Variants in HOXB8 observed in about 807,000 individuals in gnomAD.
HOXB8 encodes homeobox B8, also known as homeobox protein Hox-B8.
A neutral mutation model predicts 22.2 loss-of-function variants in HOXB8; 17 were observed. The ratio of observed to expected loss-of-function variants is 0.77; its 90% CI spans 0.53 to 1.15. The LOEUF (loss-of-function observed/expected upper bound fraction) is 1.15, where lower values mean the gene tolerates loss of function less well. Among genes scored for constraint, HOXB8 ranks in the 50% most tolerant of loss-of-function variants. The probability of loss-of-function intolerance (pLI) is 0.00; values close to 1 mark genes in which losing one functional copy is unlikely to be tolerated. For missense variants in HOXB8, 287 were observed against 323.8 expected (o/e 0.89, Z 0.87); for synonymous variants, 156 against 144.6 (o/e 1.08, Z -0.57).
rs1367957282 is a variant in HOXB8 at position 48,615,013 on chromosome 17, C to T, written c.-309G>A. ...TCGCCCTCCCCCCACCCCCCACCCC[C>T]CAAACAAAAATATACCACCACTTAA... On this transcript the variant is annotated 5_prime_UTR_variant, in exon 1 of 2. Coordinates refer to ENST00000239144, the MANE Select transcript of HOXB8 (RefSeq NM_024016.4). The T allele has an allele frequency of 4.1e-6, 1 of 243,880 alleles. No individual in the cohort carries two copies. Among genetic ancestry groups the T allele is most frequent in the Non-Finnish European group, 7.3e-6 (1 of 137,802 alleles). The allele number at this position is 243,880 out of a possible 1,614,324, so 15.1% of individuals were successfully genotyped here. A position where few individuals can be genotyped will look rare whatever the true frequency, so the allele number is the denominator to read the frequency against.
rs1289134128 is a variant in HOXB8 at position 48,614,611 on chromosome 17, G to A, written c.94C>T (p.Leu32=). The A allele has an allele frequency of 6.2e-7, 1 of 1,609,714 alleles. No individual in the cohort carries two copies. The highest frequency in any genetic ancestry group is 1.3e-5 in the African/African-American group (1 of 74,782). The stretch of plus-strand genomic sequence containing the variant: ...TACACCACGGTGGGTCGGCCGCCCA[G>A]GTCCTGGGCGAAGCCGCAGTCATAA... The part of the protein sequence containing the change: ...NYYDCGFAQD[L]GGRPTVVYGP... Residue 32 remains leucine, a synonymous_variant, in exon 1 of 2, where the codon CTG becomes TTG. Coordinates refer to ENST00000239144, the MANE Select transcript of HOXB8 (RefSeq NM_024016.4). This position sits in a 1 kb window ranked among gnomAD's most constrained non-coding sequence, Gnocchi z 4.1.
Position 48,614,147 on chromosome 17 carries a change from A to G in HOXB8, c.424+134T>C. The G allele has an allele frequency of 1.6e-6, 1 of 632,990 alleles. No homozygotes were observed. The allele number at this position is 632,990 out of a possible 1,614,324, so 39.2% of individuals were successfully genotyped here. Reference sequence around the variant, plus strand: ...GAAAGAAGAAAGAAAGATAAGAAAGAAAGGGGAAAAGCGGCAGGCGATCGG... The same window carrying G: ...GAAAGAAGAAAGAAAGATAAGAAAGGAAGGGGAAAAGCGGCAGGCGATCGG... On this transcript the variant is annotated intron_variant, in intron 1 of 1. Transcript: ENST00000239144. The surrounding 1 kb of genome is among the most constrained non-coding windows in gnomAD (Gnocchi z 4.1).
intron 1 of HOXB8, 100 bp from the exon 2 acceptor site, chr17:48,613,609 A>G: frequency 1.2e-6 from 1 of 845,898 alleles, no homozygotes; most frequent in Non-Finnish European, 1.7e-6. Context: ...CTGGGAGACC[A>G]TTATAATAAG....
chr17:48,614,338 C>G lies in HOXB8; in HGVS notation c.367G>C (p.Glu123Gln), dbSNP rs1337490990. 1.9e-6 allele frequency: 3 copies of G among 1,594,208 alleles called. No individual in the cohort carries two copies. The Admixed American group carries it at 5.2e-5, about 27-fold the overall frequency. ...AAASGLGEEA[E>Q]GSEQSPSPTQ... ...GGCGACGGGCTCTGCTCGGAGCCCT[C>G]GGCCTCCTCGCCCAGGCCGCTGGCG... The change falls in exon 1 of 2, where the codon GAG becomes CAG. Residue 123 changes from glutamate (E) to glutamine (Q), a missense_variant. Coordinates refer to ENST00000239144, the MANE Select transcript of HOXB8 (RefSeq NM_024016.4). This position sits in a 1 kb window ranked among gnomAD's most constrained non-coding sequence, Gnocchi z 4.1.
Position 48,614,690 on chromosome 17 carries a change from G to T in HOXB8, c.15C>A (p.Phe5Leu). 1 of 1,415,544 alleles carries T rather than the reference G, an allele frequency of 7.1e-7. No individual in the cohort carries two copies. The highest frequency in any genetic ancestry group is 9.4e-7 in the Non-Finnish European group (1 of 1,060,678). The allele number at this position is 1,415,544 out of a possible 1,614,324, so 87.7% of individuals were successfully genotyped here. Reference protein sequence around the residue: MSSYFVNSLFSKYKT... With the variant: MSSYLVNSLFSKYKT... ...TGTATTTGGAGAACAGTGAGTTGAC[G>T]AAATAAGAGCTCATTTTATTGAATT... The change falls in exon 1 of 2, where the codon TTC becomes TTA. Residue 5 changes from phenylalanine to leucine, a missense_variant. Physicochemically the swap from Phe to Leu is conservative, Grantham distance 22 (BLOSUM62 0). Transcript: ENST00000239144. The surrounding 1 kb of genome is among the most constrained non-coding windows in gnomAD (Gnocchi z 4.1).
chr17:48,612,836 G>A lies in HOXB8; in HGVS notation c.*366C>T, dbSNP rs898246120. On this transcript the variant is annotated 3_prime_UTR_variant, in exon 2 of 2. Coordinates refer to ENST00000239144, the MANE Select transcript of HOXB8 (RefSeq NM_024016.4). ...TACCTTGGTCATTACAAAGAAGCAC[G>A]TTCAAAGGAAAAAAAAGACAATTGC... is the stretch of plus-strand genomic sequence containing the variant. The A allele has an allele frequency of 1.3e-5, 2 of 153,036 alleles. No homozygotes were observed. The highest frequency in any genetic ancestry group is 2.4e-5 in the African/African-American group (1 of 40,960). The allele number at this position is 153,036 out of a possible 1,614,324, so 9.5% of individuals were successfully genotyped here.
At chr17:48,613,742 C>T (rs1405051378) in intron 1 of HOXB8, among the ~76,000 whole-genome samples, 1 of 151,982 alleles carries the variant, frequency 6.6e-6, no homozygotes, top group Non-Finnish European at 1.5e-5. Context: ...AGGGGAGCCC[C>T]CTCCCCCGGT....
chr17:48,613,511 T>C lies in HOXB8; in HGVS notation c.425-2A>G. ...GGCCTCGCCTGCGTCCGGCGGCTGC[T>C]GGGAATGGGGGAAAGGGCGAGACAG... is the stretch of plus-strand genomic sequence containing the variant. On this transcript the variant is annotated splice_acceptor_variant, in intron 1 of 1. Coordinates refer to ENST00000239144, the MANE Select transcript of HOXB8 (RefSeq NM_024016.4). LOFTEE classifies it high-confidence loss of function. 2 of 1,026,590 alleles carry C rather than the reference T, an allele frequency of 1.9e-6. No individual in the cohort carries two copies. Among genetic ancestry groups the C allele is most frequent in the Non-Finnish European group, 1.2e-6 (1 of 843,708 alleles). The allele number at this position is 1,026,590 out of a possible 1,614,324, so 63.6% of individuals were successfully genotyped here.
Position 48,613,125 on chromosome 17 carries a change from C to T in HOXB8, c.*77G>A. 4 of 1,054,794 alleles carry T rather than the reference C, an allele frequency of 3.8e-6. No homozygotes were observed. Among genetic ancestry groups the T allele is most frequent in the Non-Finnish European group, 4.7e-6 (4 of 844,572 alleles). 65.3% of individuals were successfully genotyped at this position (1,054,794 alleles called of 1,614,324 possible). On this transcript the variant is annotated 3_prime_UTR_variant, in exon 2 of 2. Coordinates refer to ENST00000239144, the MANE Select transcript of HOXB8 (RefSeq NM_024016.4). ...CTAGCGGGGCCAGAGCTCTCTCGGGCAGGGGCGCGCGGCGGCGGCGCGGCC... is the reference window on the plus strand; with the variant it reads ...CTAGCGGGGCCAGAGCTCTCTCGGGTAGGGGCGCGCGGCGGCGGCGCGGCC...
In HOXB8 at chr17:48,613,124, G is replaced by T; in HGVS notation, c.*78C>A. The T allele has an allele frequency of 2.9e-6, 3 of 1,046,268 alleles. No individual in the cohort carries two copies. Among genetic ancestry groups the T allele is most frequent in the Admixed American group, 4.7e-5 (1 of 21,262 alleles). 64.8% of individuals were successfully genotyped at this position (1,046,268 alleles called of 1,614,324 possible). On this transcript the variant is annotated 3_prime_UTR_variant, in exon 2 of 2. Transcript: ENST00000239144. ...GCTAGCGGGGCCAGAGCTCTCTCGG[G>T]CAGGGGCGCGCGGCGGCGGCGCGGC... is the stretch of plus-strand genomic sequence containing the variant.
At chr17:48,613,628 A>G in intron 1 of HOXB8, 119 bp from the exon 2 acceptor site, 1 of 452,950 alleles carries the variant, frequency 2.2e-6, no homozygotes, top group South Asian at 3.5e-5. Context: ...AGGGCAGGGG[A>G]CCTTCTACCC....
rs1298638708 is a variant in HOXB8 at position 48,613,585 on chromosome 17, A to AT, written c.425-77dup. The AT allele has an allele frequency of 3.0e-6, 3 of 1,013,704 alleles. No homozygotes were observed. In the East Asian group the frequency reaches 8.7e-5, roughly 29 times the overall value. 62.8% of individuals were successfully genotyped at this position (1,013,704 alleles called of 1,614,324 possible). A position where few individuals can be genotyped will look rare whatever the true frequency, so the allele number is the denominator to read the frequency against. On this transcript the variant is annotated intron_variant, in intron 1 of 1. Transcript: ENST00000239144. ...GGGCAGGGACGGAGAAGGTTGGAAGATTCGTGAACGAGCCTGGGAGACCAT... is the reference window on the plus strand; with the variant it reads ...GGGCAGGGACGGAGAAGGTTGGAAGATTTCGTGAACGAGCCTGGGAGACCAT...
Position 48,613,415 on chromosome 17 carries a change from A to G in HOXB8, c.519T>C (p.Arg173=), listed in dbSNP as rs45441492. 0.047 allele frequency: 76,547 copies of G among 1,613,684 alleles called. 2,526 individuals are homozygous for G. Among genetic ancestry groups the G allele is most frequent in the African/African-American group, 0.16 (11,907 of 74,862 alleles). ...KEFLFNPYLT[R]KRRIEVSHAL... is the part of the protein sequence containing the mutation. ...CGTGCGATACCTCGATTCGCCGCTT[A>G]CGAGTCAGATAGGGATTAAATAGGA... The change falls in exon 2 of 2, where the codon CGT becomes CGC. Residue 173 remains arginine (R), a synonymous_variant. Coordinates refer to ENST00000239144, the MANE Select transcript of HOXB8 (RefSeq NM_024016.4).
In HOXB8 at chr17:48,613,435, A is replaced by G; in HGVS notation, c.499T>C (p.Phe167Leu). 1 of 1,612,886 alleles carries G rather than the reference A, an allele frequency of 6.2e-7. No individual in the cohort carries two copies. Among genetic ancestry groups the G allele is most frequent in the Non-Finnish European group, 8.5e-7 (1 of 1,179,312 alleles). ...CGCTTACGAGTCAGATAGGGATTAAATAGGAACTCCTTCTCCAGCTCCAGG... is the reference window on the plus strand; with the variant it reads ...CGCTTACGAGTCAGATAGGGATTAAGTAGGAACTCCTTCTCCAGCTCCAGG... ...QTLELEKEFLFNPYLTRKRRI... is the reference protein window; with the variant it reads ...QTLELEKEFLLNPYLTRKRRI... The change falls in exon 2 of 2, where the codon TTT becomes CTT. Residue 167 changes from phenylalanine to leucine, a missense_variant. Transcript: ENST00000239144.
At position 48,613,301 on chromosome 17, in the gene HOXB8, G is replaced by A; in HGVS notation, c.633C>T (p.Pro211=). 1 of 1,614,034 alleles carries A rather than the reference G, an allele frequency of 6.2e-7. No homozygotes were observed. The highest frequency in any genetic ancestry group is 1.1e-5 in the South Asian group (1 of 91,072). The change falls in exon 2 of 2, where the codon CCC becomes CCT. Residue 211 remains proline, a synonymous_variant. Coordinates refer to ENST00000239144, the MANE Select transcript of HOXB8 (RefSeq NM_024016.4). ...WKKENNKDKF[P]SSKCEQEELE... ...GCTCCTCCTGCTCGCATTTGCTGCT[G>A]GGGAACTTGTCTTTGTTGTTCTCTT...
rs2070693113 is a variant in HOXB8 at position 48,614,188 on chromosome 17, T to G, written c.424+93A>C. 2 of 1,047,826 alleles carry G rather than the reference T, an allele frequency of 1.9e-6. No homozygotes were observed. Among genetic ancestry groups the G allele is most frequent in the Non-Finnish European group, 1.3e-6 (1 of 761,866 alleles). The allele number at this position is 1,047,826 out of a possible 1,614,324, so 64.9% of individuals were successfully genotyped here. On this transcript the variant is annotated intron_variant, in intron 1 of 1. Transcript: ENST00000239144. This position sits in a 1 kb window ranked among gnomAD's most constrained non-coding sequence, Gnocchi z 4.1. ...AGGCGATCGGAACGGAGCCGGCAAGTCTTCCAGAAGCTGGAGGAAATGCGC... is the reference window on the plus strand; with the variant it reads ...AGGCGATCGGAACGGAGCCGGCAAGGCTTCCAGAAGCTGGAGGAAATGCGC...
Position 48,613,205 on chromosome 17 carries a change from C to T in HOXB8, c.729G>A (p.Lys243=), listed in dbSNP as rs2070677246. 2.5e-6 allele frequency: 4 copies of T among 1,606,402 alleles called. No individual in the cohort carries two copies. Among genetic ancestry groups the T allele is most frequent in the Non-Finnish European group, 3.4e-6 (4 of 1,176,064 alleles). ...CCCTGGCAGTCCCAGCTGAAGCCTA[C>T]TTCTTGTCGCCCTTCTGCGCGTCGC... ...DEGDAQKGDK[K] is the part of the protein sequence containing the mutation. Residue 243 remains lysine, a synonymous_variant, in exon 2 of 2, where the codon AAG becomes AAA. Coordinates refer to ENST00000239144, the MANE Select transcript of HOXB8 (RefSeq NM_024016.4).
rs1449827755 is a variant in HOXB8, at chr17:48,614,115, G to A, written c.424+166C>T. 2.0e-5 allele frequency among the ~76,000 whole-genome samples: 3 copies of A among 152,100 alleles called. No homozygotes were observed. Among genetic ancestry groups the A allele is most frequent in the Admixed American group, 6.5e-5 (1 of 15,280 alleles). On this transcript the variant is annotated intron_variant, in intron 1 of 1. Transcript: ENST00000239144. The surrounding 1 kb of genome is among the most constrained non-coding windows in gnomAD (Gnocchi z 4.1). Reference sequence around the variant, plus strand: ...TCTAAGCGACCCCCTTCAAGGGAAAGAAAAAAGAAAGAAGAAAGAAAGATA... The same window carrying A: ...TCTAAGCGACCCCCTTCAAGGGAAAAAAAAAAGAAAGAAGAAAGAAAGATA...
At position 48,614,056 on chromosome 17, in the gene HOXB8, G is replaced by T. The variant is rs1008293966; in HGVS notation, c.424+225C>A. On this transcript the variant is annotated intron_variant, in intron 1 of 1. Coordinates refer to ENST00000239144, the MANE Select transcript of HOXB8 (RefSeq NM_024016.4). The surrounding 1 kb of genome is among the most constrained non-coding windows in gnomAD (Gnocchi z 4.1). ...GGAGGAGAAGAAGAAGAAAAGTAAG[G>T]CAGGATGAGGGGTTTATAGATTCAG... 6.6e-6 allele frequency among the ~76,000 whole-genome samples: 1 copy of T among 152,170 alleles called. No homozygotes were observed. The highest frequency in any genetic ancestry group is 1.5e-5 in the Non-Finnish European group (1 of 68,020).
Sources: gnomAD v4.1 joint callset for allele counts (sites outside exome capture counted in the v4.1 genomes callset) on GRCh38, gnomAD v4.1.1 for gene constraint, Gnocchi (gnomAD v3.1) non-coding constraint, MANE v1.5 for transcripts, NCBI Gene and HGNC (gene_info 2026-07-23, HGNC 2026-07-21) for gene names.